The following HMSD variants were observed in gnomAD, a reference collection of about 807,000 sequenced individuals.
HMSD encodes the protein histocompatibility minor serpin domain containing, also known as serpin-like protein HMSD.
HMSD carries 13 observed loss-of-function variants against 10.0 expected under a neutral mutation model. The observed-to-expected ratio is 1.31, with a 90% confidence interval of 0.85 to 2.08. The LOEUF (loss-of-function observed/expected upper bound fraction) is 2.08, where lower values mean the gene tolerates loss of function less well. HMSD is among the 30% of genes most tolerant of loss of function. The probability of loss-of-function intolerance (pLI) is 0.00; values close to 1 mark genes in which losing one functional copy is unlikely to be tolerated. For synonymous variants in HMSD, 51 were observed against 54.2 expected, an observed-to-expected ratio of 0.94 and a Z score of 0.26; for missense variants, 169 against 166.3, an observed-to-expected ratio of 1.02 and a Z score of -0.09.
At chr18:63,960,066 T>C (rs12959740) in intron 3 of HMSD, 92 bp from the exon 4 acceptor site, 22,727 of 1,221,038 alleles carry the variant, frequency 0.019, 303 homozygotes, top group South Asian at 0.039. Context: ...AATCATAAAA[T>C]TATTGATTTT....
downstream of HMSD, among the ~76,000 whole-genome samples, chr18:63,963,079 T>TTTCTTTC (rs879923376): frequency 6.1e-3 from 303 of 49,896 alleles, 1 homozygote; most frequent in African/African-American, 0.021. Context: ...TTCTCTTTCT[T>TTTCTTTC]TCTTTCTTTC....
chr18:63,949,806 A>G (rs542193508), intron 1 of HMSD, among the ~76,000 whole-genome samples: 1 of 152,254 alleles, frequency 6.6e-6, no homozygotes, highest in African/African-American at 2.4e-5. Flanking sequence ...AAACAACAGC[A>G]GCAGTATTTA....
rs1308452062 is a variant in HMSD, at chr18:63,960,316, C to T, written c.381C>T (p.Asn127=). The T allele has an allele frequency of 3.1e-6, 5 of 1,600,668 alleles. No individual in the cohort carries two copies. Among genetic ancestry groups the T allele is most frequent in the African/African-American group, 2.7e-5 (2 of 74,116 alleles). The change falls in exon 4 of 4, where the codon AAC becomes AAT. Residue 127 remains asparagine, a synonymous_variant. Coordinates refer to ENST00000408945, the MANE Select transcript of HMSD (RefSeq NM_001123366.2). ...ILLFYFDNIL[N]SFIVSSLQNC... Reference sequence around the variant, plus strand: ...TATTCTATTTCGATAATATTTTAAACAGTTTTATAGTCAGTTCTTTACAAA... The same window carrying T: ...TATTCTATTTCGATAATATTTTAAATAGTTTTATAGTCAGTTCTTTACAAA...
chr18:63,952,832 A>C (rs1311617764), intron 1 of HMSD, among the ~76,000 whole-genome samples: 1 of 152,214 alleles, frequency 6.6e-6, no homozygotes, highest in Non-Finnish European at 1.5e-5. Flanking sequence ...CATTTATAAA[A>C]ACATAATTCT....
intron 3 of HMSD, among the ~76,000 whole-genome samples, chr18:63,956,091 G>A (rs975221967): frequency 1.3e-5 from 2 of 152,204 alleles, no homozygotes; most frequent in Non-Finnish European, 2.9e-5. Flanking sequence ...AGAGGCCACA[G>A]TTGTGGTTCC....
In HMSD at chr18:63,954,542, TTATGA is replaced by T; in HGVS notation, c.209_213del (p.Tyr70PhefsTer25). 6.2e-7 allele frequency: 1 copy of T among 1,611,868 alleles called. No homozygotes were observed. Reference sequence around the variant, plus strand: ...CCAACGGGCTCTTTGGAGAAAAGTCTTATGATTTCCTCACAGTAAGTCATACTTGT... The same window carrying T: ...CCAACGGGCTCTTTGGAGAAAAGTCTTTTCCTCACAGTAAGTCATACTTGT... On this transcript the variant is annotated frameshift_variant, in exon 3 of 4. Transcript: ENST00000408945. LOFTEE classifies it high-confidence loss of function.
At chr18:63,952,777 C>A (rs562532429) in intron 1 of HMSD, among the ~76,000 whole-genome samples, 1 of 152,248 alleles carries the variant, frequency 6.6e-6, no homozygotes, top group Admixed American at 6.5e-5. Flanking sequence ...ATTTTCATGG[C>A]ATTTTCTTTT....
chr18:63,962,612 T>C (rs1160083660), downstream of HMSD, among the ~76,000 whole-genome samples: 5 of 152,208 alleles, frequency 3.3e-5, no homozygotes, highest in Non-Finnish European at 5.9e-5. Context: ...GAGTCCTGAA[T>C]GGAGGTCCTG....
downstream of HMSD, among the ~76,000 whole-genome samples, chr18:63,964,547 A>T (rs1211307090): frequency 6.6e-6 from 1 of 152,122 alleles, no homozygotes; most frequent in Non-Finnish European, 1.5e-5. Context: ...TTCAAAAAAT[A>T]AAAATAAAAT....
intron 3 of HMSD, among the ~76,000 whole-genome samples, chr18:63,955,108 C>G (rs1025577373): frequency 6.6e-6 from 1 of 152,210 alleles, no homozygotes; most frequent in Non-Finnish European, 1.5e-5. Flanking sequence ...CTTTCTTATG[C>G]CACAACTCCC....
At chr18:63,967,390 T>C (rs1484105960) in intron 3 of HMSD, among the ~76,000 whole-genome samples, 1 of 152,282 alleles carries the variant, frequency 6.6e-6, no homozygotes, top group South Asian at 2.1e-4. Context: ...CGCCTCGGCC[T>C]CCAAAAGTGC....
downstream of HMSD, among the ~76,000 whole-genome samples, chr18:63,963,638 G>A (rs1055794325): frequency 5.3e-5 from 8 of 152,236 alleles, no homozygotes; most frequent in African/African-American, 1.9e-4. Context: ...ATCAGGAAAA[G>A]AGACAGATTC....
At chr18:63,964,131 C>A (rs753688505), downstream of HMSD, among the ~76,000 whole-genome samples, 4 of 152,248 alleles carry the variant, frequency 2.6e-5, no homozygotes, top group Non-Finnish European at 4.4e-5. Context: ...ATAGCCACTG[C>A]AGACTGCATG....
chr18:63,950,154 C>A (rs2050321582), intron 1 of HMSD, among the ~76,000 whole-genome samples: 1 of 152,034 alleles, frequency 6.6e-6, no homozygotes, highest in Non-Finnish European at 1.5e-5. Context: ...CGGTGGCTCA[C>A]GCTTGTAATC....
downstream of HMSD, among the ~76,000 whole-genome samples, chr18:63,963,138 C>A (rs2050396529): frequency 7.6e-6 from 1 of 132,392 alleles, no homozygotes; most frequent in Non-Finnish European, 1.6e-5. Context: ...TCTTTCCTTT[C>A]TTTCTTCTCT....
At chr18:63,958,138 G>A (rs1233087054) in intron 3 of HMSD, among the ~76,000 whole-genome samples, 1 of 152,136 alleles carries the variant, frequency 6.6e-6, no homozygotes, top group Non-Finnish European at 1.5e-5. Context: ...AGGATTAAGT[G>A]AAATAGTGTA....
chr18:63,963,110 TTTCTTTCTTTC>T (rs1320561841), downstream of HMSD, among the ~76,000 whole-genome samples: 8 of 139,312 alleles, frequency 5.7e-5, no homozygotes, highest in Non-Finnish European at 1.2e-4. Context: ...TCTTTCTTTC[TTTCTTTCTTTC>T]TTTCTTTCTT....
chr18:63,966,187 C>T (rs749643591), downstream of HMSD, among the ~76,000 whole-genome samples: 143 of 152,276 alleles, frequency 9.4e-4, no homozygotes, highest in Non-Finnish European at 1.7e-3. Context: ...AAAATCCACA[C>T]CCAAACCACA....
At chr18:63,963,240 CTTCCTTGCTTCCTTCCTTCCTTCT>C, downstream of HMSD, among the ~76,000 whole-genome samples, 1 of 108,454 alleles carries the variant, frequency 9.2e-6, no homozygotes, top group Non-Finnish European at 1.8e-5. Context: ...TCCTTCCTTC[CTTCCTTGCTTCCTTCCTTCCTTCT>C]TTCCTTGCTT....
Sources: allele counts gnomAD v4.1 joint callset (sites outside exome capture counted in the v4.1 genomes callset), GRCh38; gene constraint gnomAD v4.1.1; transcripts MANE v1.5; gene names NCBI Gene and HGNC (gene_info 2026-07-23, HGNC 2026-07-21).